PGF: variants seen among roughly 807,000 people sequenced by gnomAD.
PGF encodes placental growth factor.
In PGF, 11 loss-of-function variants were observed where a neutral mutation model predicts 25.3. The observed-to-expected ratio is 0.43, with a 90% CI of 0.27 to 0.72. PGF has a LOEUF of 0.72. Ranked by LOEUF, PGF falls within the 30% of genes least tolerant of loss-of-function variation. The pLI, the probability that PGF is intolerant of heterozygous loss-of-function variation, is 0.18. For missense variants in PGF, 230 were observed against 234.9 expected, an observed-to-expected ratio of 0.98 and a Z score of 0.14; for synonymous variants, 105 against 97.9, an observed-to-expected ratio of 1.07 and a Z score of -0.43.
chr14:74,942,480 T>C lies in PGF; in HGVS notation c.*226A>G, dbSNP rs1310093842. The stretch of plus-strand genomic sequence containing the variant: ...GTCTTGCTTCTTTCAAAGCGGAAGC[T>C]CCCAGGGGTCTGTGGCTGGCTTCTC... On this transcript the variant is annotated 3_prime_UTR_variant, in exon 7 of 7. Coordinates refer to ENST00000555567, the MANE Select transcript of PGF (RefSeq NM_002632.6). 1.8e-6 allele frequency: 1 copy of C among 567,472 alleles called. No homozygotes were observed. The highest frequency in any genetic ancestry group is 2.0e-5 in the African/African-American group (1 of 50,988). The allele number at this position is 567,472 out of a possible 1,614,324, so 35.2% of individuals were successfully genotyped here. A position where few individuals can be genotyped will look rare whatever the true frequency, so the allele number is the denominator to read the frequency against.
intron 6 of PGF, 121 bp from the exon 7 acceptor site, chr14:74,942,854 C>G: frequency 1.2e-6 from 1 of 839,982 alleles, no homozygotes; most frequent in Non-Finnish European, 1.8e-6. Context: ...GGGGAGGGCG[C>G]AGTGCTCCTG....
At chr14:74,943,705 C>T (rs566689699) in intron 6 of PGF, among the ~76,000 whole-genome samples, 6 of 152,174 alleles carry the variant, frequency 3.9e-5, no homozygotes, top group Non-Finnish European at 7.3e-5. Context: ...CTAATTGAAA[C>T]GAGGTAGCCA....
At position 74,946,208 on chromosome 14, in the gene PGF, C is replaced by T. The variant is rs1399853427; in HGVS notation, c.485+5G>A. 1.2e-6 allele frequency: 2 copies of T among 1,613,678 alleles called. No individual in the cohort carries two copies. Among genetic ancestry groups the T allele is most frequent in the East Asian group, 2.2e-5 (1 of 44,886 alleles). ...CTCGCCATCCCTGGGACCCCGCACA[C>T]TCACAGGTGGCAGTCTGTGGGTCTC... On this transcript the variant is annotated splice_donor_5th_base_variant and intron_variant, in intron 6 of 6. Coordinates refer to ENST00000555567, the MANE Select transcript of PGF (RefSeq NM_002632.6).
In PGF at chr14:74,942,747, A is replaced by G. The variant is rs1285349717; in HGVS notation, c.486-14T>C. 2 of 1,608,140 alleles carry G rather than the reference A, an allele frequency of 1.2e-6. No individual in the cohort carries two copies. The highest frequency in any genetic ancestry group is 2.7e-5 in the African/African-American group (2 of 74,398). On this transcript the variant is annotated splice_polypyrimidine_tract_variant and intron_variant, in intron 6 of 6. Coordinates refer to ENST00000555567, the MANE Select transcript of PGF (RefSeq NM_002632.6). The stretch of plus-strand genomic sequence containing the variant: ...GCATCGCCGCACCTGCCAGAGACCA[A>G]GCACAGACGGGGCGGGTATCAGCAC...
chr14:74,955,196 C>G lies in PGF; in HGVS notation c.47G>C (p.Gly16Ala), dbSNP rs1336910799. 1.3e-6 allele frequency: 2 copies of G among 1,490,546 alleles called. No homozygotes were observed. The highest frequency in any genetic ancestry group is 1.8e-6 in the Non-Finnish European group (2 of 1,112,878). 92.3% of individuals were successfully genotyped at this position (1,490,546 alleles called of 1,614,324 possible). ...GGGGGGCACAGCAGGCAGCGCCAGCCCGGCCAGGAGCTGCAGGAAGCAAGG... is the reference window on the plus strand; with the variant it reads ...GGGGGGCACAGCAGGCAGCGCCAGCGCGGCCAGGAGCTGCAGGAAGCAAGG... Reference protein sequence around the residue: ...LFPCFLQLLAGLALPAVPPQQ... With the variant: ...LFPCFLQLLAALALPAVPPQQ... Residue 16 changes from glycine (G) to alanine (A), a missense_variant, in exon 1 of 7, where the codon GGG (glycine) becomes GCG (alanine). By Grantham distance (60) the Gly-to-Ala change is moderately conservative. Coordinates refer to ENST00000555567, the MANE Select transcript of PGF (RefSeq NM_002632.6). The surrounding 1 kb of genome is among the most constrained non-coding windows in gnomAD (Gnocchi z 4.1).
chr14:74,944,317 T>G (rs534596914), intron 6 of PGF, among the ~76,000 whole-genome samples: 60 of 152,086 alleles, frequency 3.9e-4, no homozygotes, highest in South Asian at 1.2e-3. Flanking sequence ...TTAGCCAGGA[T>G]GGTCTCGATC....
chr14:74,949,797 C>G (rs929849360), intron 2 of PGF, among the ~76,000 whole-genome samples: 1 of 152,230 alleles, frequency 6.6e-6, no homozygotes, highest in African/African-American at 2.4e-5. Context: ...GTCCTCAACT[C>G]AGGCACCCAC....
rs184639262 is a variant in PGF, at chr14:74,950,760, G to A, written c.119-1207C>T. On this transcript the variant is annotated intron_variant, in intron 2 of 6. Coordinates refer to ENST00000555567, the MANE Select transcript of PGF (RefSeq NM_002632.6). The surrounding 1 kb of genome is among the most constrained non-coding windows in gnomAD (Gnocchi z 4.1). Reference sequence around the variant, plus strand: ...AAGGTCTTTCCCTCTCTGACCAACCGCCTGTGAATCAGTGCCTGCAACCCA... The same window carrying A: ...AAGGTCTTTCCCTCTCTGACCAACCACCTGTGAATCAGTGCCTGCAACCCA... Among the ~76,000 whole-genome samples, 15 of 152,198 alleles carry A rather than the reference G, an allele frequency of 9.9e-5. No individual in the cohort carries two copies. The South Asian group carries it at 1.0e-3, about 10-fold the overall frequency.
In PGF at chr14:74,953,119, G is replaced by C. The variant is rs894674556; in HGVS notation, c.118+785C>G. 1.3e-5 allele frequency among the ~76,000 whole-genome samples: 2 copies of C among 152,214 alleles called. No individual in the cohort carries two copies. Among genetic ancestry groups the C allele is most frequent in the Non-Finnish European group, 2.9e-5 (2 of 68,032 alleles). On this transcript the variant is annotated intron_variant, in intron 2 of 6. Transcript: ENST00000555567. The surrounding 1 kb of genome is among the most constrained non-coding windows in gnomAD (Gnocchi z 5.4). Reference sequence around the variant, plus strand: ...GGTGTCAGAGTATGGCCAGGCCCGGGAGAGGCGGGCTGCCAGGCAGGCAGC... The same window carrying C: ...GGTGTCAGAGTATGGCCAGGCCCGGCAGAGGCGGGCTGCCAGGCAGGCAGC...
chr14:74,954,469 C>T (rs1022721327), intron 1 of PGF, among the ~76,000 whole-genome samples: 8 of 152,158 alleles, frequency 5.3e-5, no homozygotes, highest in African/African-American at 1.7e-4. Flanking sequence ...CCCACTCCTA[C>T]TCTTGGGCTG....
In PGF at chr14:74,955,169, T is replaced by C. The variant is rs1888958033; in HGVS notation, c.74A>G (p.Gln25Arg). 2.1e-6 allele frequency: 3 copies of C among 1,463,332 alleles called. No homozygotes were observed. Among genetic ancestry groups the C allele is most frequent in the East Asian group, 2.9e-5 (1 of 35,018 alleles). The allele number at this position is 1,463,332 out of a possible 1,614,324, so 90.6% of individuals were successfully genotyped here. The change falls in exon 1 of 7, where the codon CAG becomes CGG. Residue 25 changes from glutamine to arginine, a missense_variant and splice_region_variant. Coordinates refer to ENST00000555567, the MANE Select transcript of PGF (RefSeq NM_002632.6). This position sits in a 1 kb window ranked among gnomAD's most constrained non-coding sequence, Gnocchi z 4.1. ...AGGCTAGGTGGGGGTAGCTCTTACC[T>C]GGGGGGGCACAGCAGGCAGCGCCAG... The part of the protein sequence containing the change: ...AGLALPAVPP[Q>R]QWALSAGNGS...
rs61759401 is a variant in PGF at position 74,944,244 on chromosome 14, A to G, written c.486-1511T>C. On this transcript the variant is annotated intron_variant, in intron 6 of 6. Transcript: ENST00000555567. ...CAGCCTCCCGAGTAGCTGGGACTAT[A>G]GGCACCCACCACCACACCCGGCTAA... Among the ~76,000 whole-genome samples the G allele has an allele frequency of 4.5e-3, 683 of 151,708 alleles. 2 individuals are homozygous for G. The highest frequency in any genetic ancestry group is 6.1e-3 in the Non-Finnish European group (413 of 67,958).
rs1212970023 is a variant in PGF, at chr14:74,955,427, G to GT, written c.-186dup. On this transcript the variant is annotated 5_prime_UTR_variant, in exon 1 of 7. Transcript: ENST00000555567. The surrounding 1 kb of genome is among the most constrained non-coding windows in gnomAD (Gnocchi z 4.1). ...GCCTTGCGGAGTCAGGAGCCCGTAGGTAAGGCTGTGGCTGGGGAACCCGAC... is the reference window on the plus strand; with the variant it reads ...GCCTTGCGGAGTCAGGAGCCCGTAGGTTAAGGCTGTGGCTGGGGAACCCGAC... The GT allele has an allele frequency of 2.5e-6, 1 of 404,404 alleles. No individual in the cohort carries two copies. Among genetic ancestry groups the GT allele is most frequent in the East Asian group, 3.6e-5 (1 of 27,948 alleles). 25.1% of individuals were successfully genotyped at this position (404,404 alleles called of 1,614,324 possible). A position where few individuals can be genotyped will look rare whatever the true frequency, so the allele number is the denominator to read the frequency against.
At chr14:74,952,422 G>A (rs1301979196) in intron 2 of PGF, among the ~76,000 whole-genome samples, 1 of 152,212 alleles carries the variant, frequency 6.6e-6, no homozygotes, top group Non-Finnish European at 1.5e-5. Flanking sequence ...CTGAGGCTTG[G>A]GGCGACCCCC....
rs367777009 is a variant in PGF, at chr14:74,949,348, T to C, written c.315+9A>G. ...ATTCGGTGGCCCCCTGGGCAGGGTATGGACCTACCTGCATGGTGACATTGG... is the reference window on the plus strand; with the variant it reads ...ATTCGGTGGCCCCCTGGGCAGGGTACGGACCTACCTGCATGGTGACATTGG... On this transcript the variant is annotated intron_variant, in intron 3 of 6. Coordinates refer to ENST00000555567, the MANE Select transcript of PGF (RefSeq NM_002632.6). 4.5e-6 allele frequency: 7 copies of C among 1,540,704 alleles called. No homozygotes were observed. The highest frequency in any genetic ancestry group is 1.4e-5 in the African/African-American group (1 of 72,772).
chr14:74,946,352 G>A (rs1594985348), intron 5 of PGF, 27 bp downstream of exon 5: 1 of 1,613,500 alleles, frequency 6.2e-7, no homozygotes, highest in African/African-American at 1.3e-5. Flanking sequence ...CCCGAGAATA[G>A]CCCCGAGCCC....
At position 74,942,305 on chromosome 14, in the gene PGF, C is replaced by CT. The variant is rs5809687; in HGVS notation, c.*400dup. The CT allele has an allele frequency of 0.71, 130,046 of 183,678 alleles. 48,438 individuals carry two copies. Among genetic ancestry groups the CT allele is most frequent in the East Asian group, 0.85 (4,811 of 5,668 alleles). 11.4% of individuals were successfully genotyped at this position (183,678 alleles called of 1,614,324 possible). A position where few individuals can be genotyped will look rare whatever the true frequency, so the allele number is the denominator to read the frequency against. ...GGCCCCAGCAGGATCCGCATCCCTA[C>CT]TTTGGACAGGAGCTCCGAAAGCAAG... On this transcript the variant is annotated 3_prime_UTR_variant, in exon 7 of 7. Transcript: ENST00000555567.
Position 74,948,537 on chromosome 14 carries a change from G to C in PGF, c.362C>G (p.Thr121Arg). 1 of 1,602,540 alleles carries C rather than the reference G, an allele frequency of 6.2e-7. No individual in the cohort carries two copies. Among genetic ancestry groups the C allele is most frequent in the South Asian group, 1.1e-5 (1 of 90,350 alleles). ...TTCGCAGCGAACGTGCTGAGAGAAC[G>C]TCAGCTCCACGTAGGAGGGCCGGTC... ...SGDRPSYVEL[T>R]FSQHVRCECR... Residue 121 changes from threonine (T) to arginine (R), a missense_variant, in exon 4 of 7, where the codon ACG becomes AGG. Coordinates refer to ENST00000555567, the MANE Select transcript of PGF (RefSeq NM_002632.6).
Position 74,946,190 on chromosome 14 carries a change from T to G in PGF, c.485+23A>C. The G allele has an allele frequency of 2.5e-6, 4 of 1,611,166 alleles. No homozygotes were observed. In the South Asian group the frequency reaches 3.3e-5, roughly 13 times the overall value. On this transcript the variant is annotated intron_variant, in intron 6 of 6. Transcript: ENST00000555567. Reference sequence around the variant, plus strand: ...CCCCTCGGGCCCAGCCTCCTCGCCATCCCTGGGACCCCGCACACTCACAGG... The same window carrying G: ...CCCCTCGGGCCCAGCCTCCTCGCCAGCCCTGGGACCCCGCACACTCACAGG...
Sources: allele counts gnomAD v4.1 joint callset (sites outside exome capture counted in the v4.1 genomes callset), GRCh38; gene constraint gnomAD v4.1.1; non-coding constraint Gnocchi (gnomAD v3.1); transcripts MANE v1.5; gene names NCBI Gene and HGNC (gene_info 2026-07-23, HGNC 2026-07-21).